Variants in RBFOX1 observed in about 807,000 individuals in gnomAD.
RBFOX1 encodes the protein RNA binding protein fox-1 homolog 1.
RBFOX1 carries 8 observed loss-of-function variants against 57.7 expected under a neutral mutation model. That is an observed-to-expected ratio of 0.14 (90% CI 0.08 to 0.25). The LOEUF (loss-of-function observed/expected upper bound fraction) is 0.25. Among genes scored for constraint, RBFOX1 ranks in the 10% least tolerant of loss-of-function variants. RBFOX1 has a pLI of 1.00. For synonymous variants in RBFOX1, 326 were observed against 222.4 expected, an observed-to-expected ratio of 1.47 and a Z score of -4.15; for missense variants, 611 against 548.5, an observed-to-expected ratio of 1.11 and a Z score of -1.14.
intron 2 of RBFOX1, among the ~76,000 whole-genome samples, chr16:6,562,627 A>C (rs534253460): frequency 6.6e-6 from 1 of 152,342 alleles, no homozygotes; most frequent in South Asian, 2.1e-4. Context: ...TGCATGTACT[A>C]ATAAATACTT....
At chr16:6,964,097 C>G (rs2083578455) in intron 3 of RBFOX1, among the ~76,000 whole-genome samples, 1 of 152,122 alleles carries the variant, frequency 6.6e-6, no homozygotes. Context: ...CGGCTCACTG[C>G]AACCTCCGCC....
At chr16:5,246,647 G>A (rs2062307070) in intron 1 of RBFOX1, among the ~76,000 whole-genome samples, 1 of 151,482 alleles carries the variant, frequency 6.6e-6, no homozygotes, top group Admixed American at 6.6e-5. Flanking sequence ...CTGCTTCTAT[G>A]AATTAAACTT....
chr16:6,891,164 C>A (rs1037953849), intron 3 of RBFOX1, among the ~76,000 whole-genome samples: 1 of 152,140 alleles, frequency 6.6e-6, no homozygotes, highest in Admixed American at 6.5e-5. Flanking sequence ...ATTACAGGTG[C>A]CAATGCATCC....
intron 10 of RBFOX1, among the ~76,000 whole-genome samples, chr16:7,628,499 C>G (rs1472487265): frequency 6.6e-6 from 1 of 152,086 alleles, no homozygotes; most frequent in African/African-American, 2.4e-5. Flanking sequence ...GTTTCATATC[C>G]CAATCTCCAT....
intron 2 of RBFOX1, among the ~76,000 whole-genome samples, chr16:6,446,821 A>G (rs922950027): frequency 5.3e-5 from 8 of 152,192 alleles, no homozygotes; most frequent in African/African-American, 1.9e-4. Flanking sequence ...TCCTGATGCA[A>G]TTATGATTAC....
chr16:5,276,843 G>A (rs1254520158), intron 1 of RBFOX1, among the ~76,000 whole-genome samples: 2 of 152,198 alleles, frequency 1.3e-5, no homozygotes, highest in African/African-American at 4.8e-5. Context: ...CACTGATGGT[G>A]GGAATGTAAG....
chr16:6,981,113 CTTTTT>C (rs1253873026), intron 3 of RBFOX1, among the ~76,000 whole-genome samples: 1 of 147,932 alleles, frequency 6.8e-6, no homozygotes, highest in African/African-American at 2.5e-5. Flanking sequence ...TAAGTAAACT[CTTTTT>C]TTATTTTTTT....
chr16:7,556,580 C>G (rs2088560130), intron 5 of RBFOX1, among the ~76,000 whole-genome samples: 2 of 152,172 alleles, frequency 1.3e-5, no homozygotes, highest in Admixed American at 6.5e-5. Flanking sequence ...TCAACATTCT[C>G]TTTTGGATAC....
At chr16:6,287,173 A>G (rs764056618) in intron 1 of RBFOX1, among the ~76,000 whole-genome samples, 41 of 152,144 alleles carry the variant, frequency 2.7e-4, no homozygotes, top group Admixed American at 5.9e-4. Flanking sequence ...ACTCCATTTG[A>G]ATGCAAATTC....
intron 2 of RBFOX1, among the ~76,000 whole-genome samples, chr16:6,319,215 G>T (rs984001467): frequency 6.6e-6 from 1 of 152,150 alleles, no homozygotes; most frequent in African/African-American, 2.4e-5. Context: ...TGTGAAGAAT[G>T]CCATATTTTA....
intron 12 of RBFOX1, among the ~76,000 whole-genome samples, chr16:7,659,298 T>TA (rs1164938067): frequency 6.6e-6 from 1 of 152,184 alleles, no homozygotes; most frequent in Non-Finnish European, 1.5e-5. Context: ...CGTTAAGTCC[T>TA]AAAAAAGTCT....
chr16:7,434,162 C>G (rs901534682), intron 4 of RBFOX1, among the ~76,000 whole-genome samples: 8 of 151,728 alleles, frequency 5.3e-5, no homozygotes, highest in Non-Finnish European at 1.2e-4. Context: ...AGATGACAGA[C>G]ATGTGGTGGT....
At position 7,410,830 on chromosome 16, in the gene RBFOX1, C is replaced by CGTGTGT. The variant is rs56755477; in HGVS notation, c.28-107284_28-107279dup. Among the ~76,000 whole-genome samples, 382 of 150,432 alleles carry CGTGTGT rather than the reference C, an allele frequency of 2.5e-3. 4 individuals are homozygous for CGTGTGT. The highest frequency in any genetic ancestry group is 8.8e-3 in the African/African-American group (359 of 40,730). ...CAGGCTTGAGGATCATGAGTTTTCA[C>CGTGTGT]GTGTGTGTGTGTGTGTGTGTGTGTG... On this transcript the variant is annotated intron_variant, in intron 4 of 15. Transcript: ENST00000550418.
At chr16:6,058,653 CCCAT>C (rs1320051057) in intron 1 of RBFOX1, among the ~76,000 whole-genome samples, 1 of 148,042 alleles carries the variant, frequency 6.8e-6, no homozygotes, top group Admixed American at 6.8e-5. Context: ...CATCCATCCA[CCCAT>C]CCATCCATCC....
intron 1 of RBFOX1, among the ~76,000 whole-genome samples, chr16:6,070,974 C>A (rs1306815707): frequency 6.6e-6 from 1 of 152,192 alleles, no homozygotes. Context: ...GATTAGTGAG[C>A]ATTTTCTATA....
At chr16:6,888,624 G>T (rs1000621370) in intron 3 of RBFOX1, among the ~76,000 whole-genome samples, 1 of 152,010 alleles carries the variant, frequency 6.6e-6, no homozygotes, top group Non-Finnish European at 1.5e-5. Flanking sequence ...TGGTTCATCA[G>T]GCTGTTCCTT....
chr16:6,803,271 A>C (rs191083602), intron 3 of RBFOX1, among the ~76,000 whole-genome samples: 1 of 152,098 alleles, frequency 6.6e-6, no homozygotes, highest in Non-Finnish European at 1.5e-5. Context: ...GCAAACTTCA[A>C]TTTTCAGGAA....
intron 3 of RBFOX1, among the ~76,000 whole-genome samples, chr16:5,827,403 G>GAAA (rs60597828): frequency 5.8e-5 from 8 of 137,646 alleles, no homozygotes; most frequent in South Asian, 2.3e-4. Flanking sequence ...CCATCTCAGG[G>GAAA]AAAAAAAAAA....
intron 3 of RBFOX1, among the ~76,000 whole-genome samples, chr16:6,994,074 A>G (rs1014973127): frequency 2.0e-5 from 3 of 152,134 alleles, no homozygotes; most frequent in African/African-American, 7.2e-5. Context: ...GCCTTAGTGC[A>G]CTTTAGCTGT....
Sources: gnomAD v4.1 joint callset for allele counts (sites outside exome capture counted in the v4.1 genomes callset) on GRCh38, gnomAD v4.1.1 for gene constraint, MANE v1.5 for transcripts, NCBI Gene and HGNC (gene_info 2026-07-23, HGNC 2026-07-21) for gene names.